The following ZNF407 variants were observed in gnomAD, a reference collection of about 807,000 sequenced individuals.
The protein encoded by ZNF407 is zinc finger protein 407.
In ZNF407, 17 loss-of-function variants were observed where a neutral mutation model predicts 131.2. The ratio of observed to expected loss-of-function variants is 0.13; its 90% CI spans 0.09 to 0.19. The LOEUF is 0.19. ZNF407 is among the 10% of genes least tolerant of loss of function. The pLI is 1.00. For synonymous variants in ZNF407, 1,156 were observed against 1,062.0 expected (o/e 1.09, Z -1.72); for missense variants, 2,681 against 2,830.6 (o/e 0.95, Z 1.20).
rs542675505 is a variant in ZNF407 at position 74,757,523 on chromosome 18, G to A, written c.4803-23905G>A. ...ACTAAAGGAAATAAAAGTATTTCTT[G>A]TATGATTTCAATCTCTATAGATGTC... On this transcript the variant is annotated intron_variant, in intron 3 of 8. Transcript: ENST00000299687. Among the ~76,000 whole-genome samples, 7 of 152,086 alleles carry A rather than the reference G, an allele frequency of 4.6e-5. No individual in the cohort carries two copies. The South Asian group carries it at 6.2e-4, about 14-fold the overall frequency.
At chr18:74,840,501 C>A (rs1422216387) in intron 4 of ZNF407, among the ~76,000 whole-genome samples, 1 of 152,128 alleles carries the variant, frequency 6.6e-6, no homozygotes, top group African/African-American at 2.4e-5. Context: ...ACCTCACCAT[C>A]CCTCCCACCC....
chr18:74,808,705 T>G (rs1040979869), intron 4 of ZNF407, among the ~76,000 whole-genome samples: 1 of 146,440 alleles, frequency 6.8e-6, no homozygotes, highest in Non-Finnish European at 1.6e-5. Context: ...TAGGATCAAT[T>G]ACATTTTTTT....
Position 74,703,481 on chromosome 18 carries a change from C to T in ZNF407, c.4802+62359C>T, listed in dbSNP as rs1243928756. On this transcript the variant is annotated intron_variant, in intron 3 of 8. Coordinates refer to ENST00000299687, the MANE Select transcript of ZNF407 (RefSeq NM_017757.3). The surrounding 1 kb of genome is among the most constrained non-coding windows in gnomAD (Gnocchi z 4.1). ...TTCTGGGTTCAAGCAGTTCTCCTGC[C>T]TCAGCCTCCAGAGTAGCTGGGATTA... Among the ~76,000 whole-genome samples, 1 of 152,192 alleles carries T rather than the reference C, an allele frequency of 6.6e-6. No individual in the cohort carries two copies. Among genetic ancestry groups the T allele is most frequent in the Non-Finnish European group, 1.5e-5 (1 of 68,036 alleles).
At chr18:74,901,038 A>G (rs1175972472) in intron 7 of ZNF407, among the ~76,000 whole-genome samples, 3 of 152,164 alleles carry the variant, frequency 2.0e-5, no homozygotes, top group Admixed American at 6.5e-5. Flanking sequence ...GGGAAGGCAA[A>G]CATATCACCC....
chr18:74,697,559 T>A (rs1967388475), intron 3 of ZNF407, among the ~76,000 whole-genome samples: 2 of 152,176 alleles, frequency 1.3e-5, no homozygotes, highest in Admixed American at 6.5e-5. Context: ...ACGTTATGAT[T>A]GCTTTCATAT....
chr18:74,648,742 C>T (rs527785373), intron 3 of ZNF407, among the ~76,000 whole-genome samples: 309 of 152,290 alleles, frequency 2.0e-3, no homozygotes, highest in Non-Finnish European at 3.6e-3. Flanking sequence ...GTTACGTAGC[C>T]GTGCTACCTA....
chr18:74,600,131 C>T (rs1982517709), intron 1 of ZNF407, among the ~76,000 whole-genome samples: 1 of 152,220 alleles, frequency 6.6e-6, no homozygotes, highest in African/African-American at 2.4e-5. Context: ...CACAGAGTGT[C>T]ACAGTGCCAT....
intron 8 of ZNF407, among the ~76,000 whole-genome samples, chr18:74,959,022 T>C (rs998595296): frequency 6.6e-6 from 1 of 152,242 alleles, no homozygotes; most frequent in Admixed American, 6.5e-5. Flanking sequence ...TATTTTGTTC[T>C]TCATTACATT....
At chr18:74,924,340 AC>A (rs1971885247) in intron 8 of ZNF407, among the ~76,000 whole-genome samples, 1 of 151,800 alleles carries the variant, frequency 6.6e-6, no homozygotes, top group African/African-American at 2.4e-5. Flanking sequence ...AAAAAAAAAC[AC>A]CTTTCTCCAC....
At chr18:74,772,648 G>A (rs1413482344) in intron 3 of ZNF407, among the ~76,000 whole-genome samples, 1 of 152,064 alleles carries the variant, frequency 6.6e-6, no homozygotes, top group East Asian at 1.9e-4. Flanking sequence ...TCAGCAGTTA[G>A]AATACCTGAT....
chr18:75,004,196 G>A (rs78301944), intron 8 of ZNF407, among the ~76,000 whole-genome samples: 15 of 152,220 alleles, frequency 9.9e-5, no homozygotes, highest in Non-Finnish European at 1.8e-4. Flanking sequence ...TCGTAGCACC[G>A]GTGTTAAGTG....
At chr18:74,803,972 T>C in intron 4 of ZNF407, 1 of 1,551,688 alleles carries the variant, frequency 6.4e-7, no homozygotes, top group Admixed American at 2.0e-5. Flanking sequence ...AGAGTAAAGG[T>C]TGCATATCGA....
intron 1 of ZNF407, among the ~76,000 whole-genome samples, chr18:74,616,908 C>T (rs1983319278): frequency 1.4e-5 from 2 of 145,728 alleles, no homozygotes; most frequent in African/African-American, 5.1e-5. Context: ...TATCCACACA[C>T]ATCCATATCC....
chr18:74,784,156 C>G (rs1184951740), intron 4 of ZNF407, among the ~76,000 whole-genome samples: 10 of 152,130 alleles, frequency 6.6e-5, no homozygotes, highest in Non-Finnish European at 1.3e-4. Flanking sequence ...TTTTTCTTAC[C>G]TATTTAAAAC....
intron 8 of ZNF407, among the ~76,000 whole-genome samples, chr18:74,978,938 G>A (rs994831014): frequency 4.6e-5 from 7 of 152,158 alleles, no homozygotes; most frequent in Non-Finnish European, 1.0e-4. Context: ...CATCGGGAGA[G>A]GCGTGAGGGC....
intron 3 of ZNF407, among the ~76,000 whole-genome samples, chr18:74,698,752 A>G (rs1967420526): frequency 6.6e-6 from 1 of 152,192 alleles, no homozygotes; most frequent in Non-Finnish European, 1.5e-5. Flanking sequence ...TTATTCCTGG[A>G]AACATGCCCA....
intron 8 of ZNF407, among the ~76,000 whole-genome samples, chr18:74,969,084 A>G (rs1568286351): frequency 6.6e-6 from 1 of 151,872 alleles, no homozygotes; most frequent in Non-Finnish European, 1.5e-5. Flanking sequence ...TTTTTATTGC[A>G]TTTTTTCAGT....
Position 74,651,699 on chromosome 18 carries a change from T to C in ZNF407, c.4802+10577T>C, listed in dbSNP as rs577036646. On this transcript the variant is annotated intron_variant, in intron 3 of 8. Coordinates refer to ENST00000299687, the MANE Select transcript of ZNF407 (RefSeq NM_017757.3). ...GAGTAAAAGGTTGAAGAATGTAATT[T>C]GTGCATTCATTCTGCTGCTCAGAAT... is the stretch of plus-strand genomic sequence containing the variant. Among the ~76,000 whole-genome samples the C allele has an allele frequency of 2.6e-5, 4 of 152,304 alleles. No individual in the cohort carries two copies. The South Asian group carries it at 8.3e-4, about 32-fold the overall frequency.
At chr18:74,900,259 T>C (rs1568261387) in intron 7 of ZNF407, among the ~76,000 whole-genome samples, 1 of 152,160 alleles carries the variant, frequency 6.6e-6, no homozygotes. Context: ...GGGTCGTCTC[T>C]CTGCACATGG....
Sources: gnomAD v4.1 joint callset for allele counts (sites outside exome capture counted in the v4.1 genomes callset) on GRCh38, gnomAD v4.1.1 for gene constraint, Gnocchi (gnomAD v3.1) non-coding constraint, MANE v1.5 for transcripts, NCBI Gene and HGNC (gene_info 2026-07-23, HGNC 2026-07-21) for gene names.